Variants in ST3GAL4 observed in about 807,000 individuals in gnomAD.
The protein encoded by ST3GAL4 is ST3 beta-galactoside alpha-2,3-sialyltransferase 4, also known as CMP-N-acetylneuraminate-beta-galactosamide-alpha-2,3-sialyltransferase 4.
ST3GAL4 carries 24 observed loss-of-function variants against 42.6 expected under a neutral mutation model. That is an observed-to-expected ratio of 0.56 (90% confidence interval 0.41 to 0.79). ST3GAL4 has a LOEUF of 0.79. Among genes scored for constraint, ST3GAL4 ranks in the 30% least tolerant of loss-of-function variants. The probability of loss-of-function intolerance (pLI) is 0.00; values close to 1 mark genes in which losing one functional copy is unlikely to be tolerated. For synonymous variants in ST3GAL4, 135 were observed against 163.2 expected (o/e 0.83, Z 1.32); for missense variants, 311 against 430.8 (o/e 0.72, Z 2.46).
chr11:126,372,252 T>G (rs4055111), intron 1 of ST3GAL4, among the ~76,000 whole-genome samples: 26,236 of 152,156 alleles, frequency 0.17, 2,429 homozygotes, highest in East Asian at 0.36. Flanking sequence ...GCCGCCATTC[T>G]GCTTTCTGTG....
chr11:126,407,377 C>T lies in ST3GAL4; in HGVS notation c.280+28C>T, dbSNP rs759069353. Reference sequence around the variant, plus strand: ...AAGTTCCTACCCGGCTCGTGGGAACCATGGGCTCACCCTGACCACGTTGCT... The same window carrying T: ...AAGTTCCTACCCGGCTCGTGGGAACTATGGGCTCACCCTGACCACGTTGCT... On this transcript the variant is annotated intron_variant, in intron 5 of 10. Transcript: ENST00000444328. 6.2e-6 allele frequency: 10 copies of T among 1,606,958 alleles called. No individual in the cohort carries two copies. The Admixed American group carries it at 1.7e-4, about 27-fold the overall frequency.
At chr11:126,385,403 C>G (rs541010029) in intron 1 of ST3GAL4, among the ~76,000 whole-genome samples, 11 of 152,000 alleles carry the variant, frequency 7.2e-5, no homozygotes, top group African/African-American at 2.7e-4. Context: ...CCTCCCACCT[C>G]GGCCTCCTAA....
intron 1 of ST3GAL4, among the ~76,000 whole-genome samples, chr11:126,385,802 A>G (rs1427946053): frequency 2.0e-5 from 3 of 151,646 alleles, no homozygotes; most frequent in Non-Finnish European, 4.4e-5. Flanking sequence ...CCTTGAGCCC[A>G]GGAGTTTGAG....
Position 126,379,659 on chromosome 11 carries a change from G to T in ST3GAL4, c.-61+23817G>T, listed in dbSNP as rs1952929060. 6.6e-6 allele frequency among the ~76,000 whole-genome samples: 1 copy of T among 152,002 alleles called. No individual in the cohort carries two copies. The highest frequency in any genetic ancestry group is 1.5e-5 in the Non-Finnish European group (1 of 67,990). On this transcript the variant is annotated intron_variant, in intron 1 of 10. Transcript: ENST00000444328. The surrounding 1 kb of genome is among the most constrained non-coding windows in gnomAD (Gnocchi z 4.2). The stretch of plus-strand genomic sequence containing the variant: ...CACCTGGCTAATTTTTGTATTTTTA[G>T]TAGAGATGGGGTTTCACCACGTTGG...
intron 1 of ST3GAL4, among the ~76,000 whole-genome samples, chr11:126,372,710 C>T (rs573466939): frequency 5.3e-5 from 8 of 152,268 alleles, no homozygotes; most frequent in East Asian, 1.9e-4. Flanking sequence ...GCCATTCACC[C>T]GGCCGTCTTT....
In ST3GAL4 at chr11:126,402,133, CAG is replaced by C. The variant is rs983006055; in HGVS notation, c.-60-3962_-60-3961del. 5.3e-5 allele frequency among the ~76,000 whole-genome samples: 8 copies of C among 150,372 alleles called. No homozygotes were observed. In the South Asian group the frequency reaches 6.3e-4, roughly 12 times the overall value. ...AGTCTAGACGTAGACAGCAGGCAGA[CAG>C]GGGCTCCAGGTTTTCCCTACAGAAC... On this transcript the variant is annotated intron_variant, in intron 1 of 10. Coordinates refer to ENST00000444328, the MANE Select transcript of ST3GAL4 (RefSeq NM_001254757.2).
At chr11:126,390,685 G>A (rs4393322) in intron 1 of ST3GAL4, among the ~76,000 whole-genome samples, 43,137 of 145,274 alleles carry the variant, frequency 0.3, 6,666 homozygotes, top group East Asian at 0.5. Flanking sequence ...GCACAAGCAC[G>A]AGGTTGTATT....
rs59748700 is a variant in ST3GAL4, at chr11:126,391,967, G to GTGTGTA, written c.-60-14123_-60-14118dup. On this transcript the variant is annotated intron_variant, in intron 1 of 10. Coordinates refer to ENST00000444328, the MANE Select transcript of ST3GAL4 (RefSeq NM_001254757.2). The surrounding 1 kb of genome is among the most constrained non-coding windows in gnomAD (Gnocchi z 5.5). ...TGTGTGTGTGTGTGTGTGTGTGTGTGTGTGTATGTGTGTGTATGTGTATAT... is the reference window on the plus strand; with the variant it reads ...TGTGTGTGTGTGTGTGTGTGTGTGTGTGTGTATGTGTATGTGTGTGTATGTGTATAT... Among the ~76,000 whole-genome samples the GTGTGTA allele has an allele frequency of 6.7e-6, 1 of 150,112 alleles. No individual in the cohort carries two copies. The highest frequency in any genetic ancestry group is 1.9e-4 in the East Asian group (1 of 5,130).
intron 1 of ST3GAL4, among the ~76,000 whole-genome samples, chr11:126,371,438 T>C (rs975972321): frequency 3.9e-5 from 6 of 152,072 alleles, no homozygotes; most frequent in Admixed American, 1.3e-4. Context: ...GCTGGGATTA[T>C]AGGCGTGAGC....
intron 1 of ST3GAL4, among the ~76,000 whole-genome samples, chr11:126,357,106 G>A (rs1021982256): frequency 6.6e-6 from 1 of 152,220 alleles, no homozygotes; most frequent in Non-Finnish European, 1.5e-5. Context: ...GGACGTGCCC[G>A]CTGTTTGGGG....
rs1952188029 is a variant in ST3GAL4, at chr11:126,359,844, C to G, written c.-61+4002C>G. ...TTGCTTCCATCTGGCCTGCCTGCAG[C>G]TCCTATTCCTTTGGAAATGTGGCTG... On this transcript the variant is annotated intron_variant, in intron 1 of 10. Coordinates refer to ENST00000444328, the MANE Select transcript of ST3GAL4 (RefSeq NM_001254757.2). This position sits in a 1 kb window ranked among gnomAD's most constrained non-coding sequence, Gnocchi z 4.8. 6.6e-6 allele frequency among the ~76,000 whole-genome samples: 1 copy of G among 152,242 alleles called. No individual in the cohort carries two copies. Among genetic ancestry groups the G allele is most frequent in the African/African-American group, 2.4e-5 (1 of 41,458 alleles).
intron 1 of ST3GAL4, among the ~76,000 whole-genome samples, chr11:126,377,223 T>C (rs1952855638): frequency 6.6e-6 from 1 of 151,818 alleles, no homozygotes. Flanking sequence ...CAGGCTGGAG[T>C]GTAGTGGCGC....
intron 1 of ST3GAL4, chr11:126,358,487 C>A (rs575962167): frequency 9.9e-5 from 45 of 455,004 alleles, no homozygotes; most frequent in South Asian, 7.0e-4. Context: ...ATCACCCCAA[C>A]CCCTGCCACA....
chr11:126,405,563 C>T (rs1954191584), intron 1 of ST3GAL4: 1 of 163,694 alleles, frequency 6.1e-6, no homozygotes, highest in Non-Finnish European at 1.3e-5. Flanking sequence ...ACCCTCACTC[C>T]CCACCCCTGA....
At chr11:126,380,419 G>T (rs1952953240) in intron 1 of ST3GAL4, among the ~76,000 whole-genome samples, 1 of 152,152 alleles carries the variant, frequency 6.6e-6, no homozygotes, top group Admixed American at 6.5e-5. Flanking sequence ...CACCAGTAGA[G>T]TGGATAAATG....
chr11:126,366,324 C>T lies in ST3GAL4; in HGVS notation c.-61+10482C>T, dbSNP rs151012502. The stretch of plus-strand genomic sequence containing the variant: ...GCCCTGGCTGGGGGAGCCCCTCAAG[C>T]CCTGGAAGCTGTATGTGGGCATGGG... On this transcript the variant is annotated intron_variant, in intron 1 of 10. Coordinates refer to ENST00000444328, the MANE Select transcript of ST3GAL4 (RefSeq NM_001254757.2). The surrounding 1 kb of genome is among the most constrained non-coding windows in gnomAD (Gnocchi z 4.2). 8.1e-3 allele frequency among the ~76,000 whole-genome samples: 1,226 copies of T among 152,214 alleles called. 20 individuals carry two copies. Among genetic ancestry groups the T allele is most frequent in the African/African-American group, 0.027 (1,136 of 41,526 alleles).
Position 126,386,044 on chromosome 11 carries a change from C to T in ST3GAL4, c.-60-20052C>T, listed in dbSNP as rs1421076580. ...GGAACTTTCTGTGCCTTGCACCCAG[C>T]CAGCTCAGAGTCTTGGGCACTTCTC... On this transcript the variant is annotated intron_variant, in intron 1 of 10. Coordinates refer to ENST00000444328, the MANE Select transcript of ST3GAL4 (RefSeq NM_001254757.2). The surrounding 1 kb of genome is among the most constrained non-coding windows in gnomAD (Gnocchi z 4.7). Among the ~76,000 whole-genome samples, 1 of 152,186 alleles carries T rather than the reference C, an allele frequency of 6.6e-6. No individual in the cohort carries two copies. Among genetic ancestry groups the T allele is most frequent in the African/African-American group, 2.4e-5 (1 of 41,448 alleles).
At position 126,398,475 on chromosome 11, in the gene ST3GAL4, C is replaced by T. The variant is rs577459394; in HGVS notation, c.-60-7621C>T. On this transcript the variant is annotated intron_variant, in intron 1 of 10. Coordinates refer to ENST00000444328, the MANE Select transcript of ST3GAL4 (RefSeq NM_001254757.2). This position sits in a 1 kb window ranked among gnomAD's most constrained non-coding sequence, Gnocchi z 4.7. ...GCTCATTCCATGCAGCAGCTCTCAC[C>T]GGTTGGAGTCTCATGCTTGCAGCTC... Among the ~76,000 whole-genome samples the T allele has an allele frequency of 1.5e-4, 23 of 152,338 alleles. No homozygotes were observed. Among genetic ancestry groups the T allele is most frequent in the African/African-American group, 4.6e-4 (19 of 41,584 alleles).
chr11:126,371,312 A>C (rs1952638275), intron 1 of ST3GAL4, among the ~76,000 whole-genome samples: 2 of 151,308 alleles, frequency 1.3e-5, no homozygotes, highest in African/African-American at 2.4e-5. Context: ...TTACAGACGC[A>C]CGCCATCACG....
Sources: allele counts gnomAD v4.1 joint callset (sites outside exome capture counted in the v4.1 genomes callset), GRCh38; gene constraint gnomAD v4.1.1; non-coding constraint Gnocchi (gnomAD v3.1); transcripts MANE v1.5; gene names NCBI Gene and HGNC (gene_info 2026-07-23, HGNC 2026-07-21).